The following HMGCLL1 variants were observed in gnomAD, a reference collection of about 807,000 sequenced individuals.
The protein encoded by HMGCLL1 is 3-hydroxymethyl-3-methylglutaryl-CoA lyase, cytoplasmic.
A neutral mutation model predicts 39.1 loss-of-function variants in HMGCLL1; 36 were observed. That is an observed-to-expected ratio of 0.92 (90% CI 0.71 to 1.22). HMGCLL1 has a LOEUF of 1.22. Among genes scored for constraint, HMGCLL1 ranks in the 50% most tolerant of loss-of-function variants. The pLI is 0.00. For synonymous variants in HMGCLL1, 149 were observed against 144.0 expected, an observed-to-expected ratio of 1.03 and a Z score of -0.25; for missense variants, 451 against 416.5, an observed-to-expected ratio of 1.08 and a Z score of -0.72.
In HMGCLL1 at chr6:55,544,722, C is replaced by T. The variant is rs541199981; in HGVS notation, c.109-2582G>A. Among the ~76,000 whole-genome samples the T allele has an allele frequency of 2.0e-5, 3 of 152,112 alleles. No homozygotes were observed. The South Asian group carries it at 6.2e-4, about 32-fold the overall frequency. On this transcript the variant is annotated intron_variant, in intron 1 of 8. Transcript: ENST00000274901. ...CATTCTGAGCTATCAGCAAAAGAAC[C>T]CAGATGGTCCCCATTACAATGTTTA...
At chr6:55,620,413 T>C in the HMGCLL1 span, among the ~76,000 whole-genome samples, 1 of 152,184 alleles carries the variant, frequency 6.6e-6, no homozygotes, top group African/African-American at 2.4e-5. Flanking sequence ...TATATTTCTT[T>C]GTAGCTTTCA....
the HMGCLL1 span, among the ~76,000 whole-genome samples, chr6:55,658,608 C>T: frequency 2.0e-5 from 3 of 151,840 alleles, no homozygotes; most frequent in African/African-American, 7.2e-5. Context: ...ACAATGACAA[C>T]AAAAATATAT....
At chr6:55,460,012 T>C (rs1188759092) in intron 7 of HMGCLL1, among the ~76,000 whole-genome samples, 1 of 152,056 alleles carries the variant, frequency 6.6e-6, no homozygotes, top group Non-Finnish European at 1.5e-5. Flanking sequence ...CTATGGCATT[T>C]CTTAATAAAA....
chr6:55,461,877 T>G (rs2127396424), intron 7 of HMGCLL1, among the ~76,000 whole-genome samples: 1 of 152,138 alleles, frequency 6.6e-6, no homozygotes, highest in African/African-American at 2.4e-5. Flanking sequence ...ATGAAAACAA[T>G]AATATCTCTA....
chr6:55,559,469 C>A (rs1321561929), intron 1 of HMGCLL1, among the ~76,000 whole-genome samples: 1 of 152,124 alleles, frequency 6.6e-6, no homozygotes, highest in Non-Finnish European at 1.5e-5. Context: ...GAAGCAAAGT[C>A]ATGTTACTTT....
In HMGCLL1 at chr6:55,551,707, T is replaced by C. The variant is rs1770337138; in HGVS notation, c.109-9567A>G. Among the ~76,000 whole-genome samples the C allele has an allele frequency of 2.6e-5, 4 of 152,136 alleles. No homozygotes were observed. The South Asian group carries it at 8.3e-4, about 32-fold the overall frequency. On this transcript the variant is annotated intron_variant, in intron 1 of 8. Coordinates refer to ENST00000274901, the MANE Select transcript of HMGCLL1 (RefSeq NM_001042406.2). ...CCAAACCAGAAAGATGTTATGATTT[T>C]GGAGGATGACACTAAGCTACCATAA...
At chr6:55,473,231 A>G (rs919559277) in intron 7 of HMGCLL1, among the ~76,000 whole-genome samples, 1 of 151,402 alleles carries the variant, frequency 6.6e-6, no homozygotes, top group African/African-American at 2.4e-5. Context: ...TAGACCATTC[A>G]CATTTGAAAT....
the HMGCLL1 span, among the ~76,000 whole-genome samples, chr6:55,626,563 A>G: frequency 1.3e-5 from 2 of 152,098 alleles, no homozygotes; most frequent in African/African-American, 4.8e-5. Context: ...GGTTCTGTTT[A>G]TCCCATAGAC....
chr6:55,457,734 T>C (rs9475299), intron 7 of HMGCLL1, among the ~76,000 whole-genome samples: 9,977 of 152,214 alleles, frequency 0.066, 393 homozygotes, highest in African/African-American at 0.11. Flanking sequence ...AAGTCGGCTA[T>C]ATCAAAAGTC....
At chr6:55,451,518 C>G (rs1253730662) in intron 7 of HMGCLL1, among the ~76,000 whole-genome samples, 1 of 151,978 alleles carries the variant, frequency 6.6e-6, no homozygotes, top group Non-Finnish European at 1.5e-5. Flanking sequence ...CCATTGCACT[C>G]CTGCCTGGGC....
chr6:55,650,211 G>A, the HMGCLL1 span, among the ~76,000 whole-genome samples: 33 of 144,590 alleles, frequency 2.3e-4, no homozygotes, highest in African/African-American at 6.9e-4. Flanking sequence ...TTGAGGTCAC[G>A]TTTCCCTGGA....
the HMGCLL1 span, among the ~76,000 whole-genome samples, chr6:55,610,083 A>G: frequency 2.0e-5 from 3 of 152,270 alleles, no homozygotes; most frequent in Non-Finnish European, 2.9e-5. Context: ...GAAATAATCA[A>G]TGAAAAAATG....
chr6:55,610,139 G>T, the HMGCLL1 span, among the ~76,000 whole-genome samples: 3 of 152,050 alleles, frequency 2.0e-5, no homozygotes, highest in Admixed American at 6.6e-5. Flanking sequence ...CCAAATGATC[G>T]CAATGCCTCT....
At chr6:55,438,474 T>C (rs1185289151) in intron 8 of HMGCLL1, among the ~76,000 whole-genome samples, 1 of 152,066 alleles carries the variant, frequency 6.6e-6, no homozygotes, top group Admixed American at 6.6e-5. Context: ...CACTAAGGAA[T>C]GGGACCTAAC....
intron 1 of HMGCLL1, among the ~76,000 whole-genome samples, chr6:55,544,449 T>C (rs1269726347): frequency 6.6e-6 from 1 of 152,138 alleles, no homozygotes; most frequent in Non-Finnish European, 1.5e-5. Flanking sequence ...TTTAAGTGGA[T>C]AGTTGACAGA....
chr6:55,460,818 TGTCA>T (rs1424414487), intron 7 of HMGCLL1, among the ~76,000 whole-genome samples: 1 of 151,998 alleles, frequency 6.6e-6, no homozygotes, highest in Non-Finnish European at 1.5e-5. Flanking sequence ...ACTTTTTTGG[TGTCA>T]GTATTTTTTA....
At chr6:55,627,049 GAA>G in the HMGCLL1 span, among the ~76,000 whole-genome samples, 1,088 of 85,784 alleles carry the variant, frequency 0.013, 3 homozygotes, top group Middle Eastern at 0.036. Context: ...CACTCCACCA[GAA>G]AAAAAAAAAA....
chr6:55,481,801 C>A (rs1765763714), intron 7 of HMGCLL1, among the ~76,000 whole-genome samples: 1 of 152,006 alleles, frequency 6.6e-6, no homozygotes, highest in African/African-American at 2.4e-5. Context: ...TATCTATCTA[C>A]CTACCTACCT....
At position 55,481,526 on chromosome 6, in the gene HMGCLL1, A is replaced by C. The variant is rs1765741343; in HGVS notation, c.795+13893T>G. 2.0e-5 allele frequency among the ~76,000 whole-genome samples: 3 copies of C among 151,944 alleles called. No homozygotes were observed. The South Asian group carries it at 6.2e-4, about 32-fold the overall frequency. On this transcript the variant is annotated intron_variant, in intron 7 of 8. Transcript: ENST00000274901. ...TCTCATGTATCCCATAAATATATAT[A>C]ACTACTATGTACCCCCCAAAATGAA...
Sources: gnomAD v4.1 joint callset for allele counts (sites outside exome capture counted in the v4.1 genomes callset) on GRCh38, gnomAD v4.1.1 for gene constraint, MANE v1.5 for transcripts, NCBI Gene and HGNC (gene_info 2026-07-23, HGNC 2026-07-21) for gene names.